ROBO1: variants seen among roughly 807,000 people sequenced by gnomAD.
ROBO1 encodes the protein roundabout guidance receptor 1, also known as roundabout homolog 1.
A neutral mutation model predicts 195.9 loss-of-function variants in ROBO1; 149 were observed. The ratio of observed to expected loss-of-function variants is 0.76; its 90% confidence interval spans 0.67 to 0.87. The LOEUF (loss-of-function observed/expected upper bound fraction) is 0.87. Among genes scored for constraint, ROBO1 ranks in the 40% least tolerant of loss-of-function variants. The pLI is 0.00. For synonymous variants in ROBO1, 816 were observed against 733.2 expected (o/e 1.11, Z -1.82); for missense variants, 1,933 against 2,068.3 (o/e 0.93, Z 1.27).
At chr3:79,658,028 ACAAG>A (rs1299921019) in intron 1 of ROBO1, among the ~76,000 whole-genome samples, 1 of 152,094 alleles carries the variant, frequency 6.6e-6, no homozygotes, top group Non-Finnish European at 1.5e-5. Context: ...GACAGTATAG[ACAAG>A]CAATTGCAGG....
At chr3:79,718,823 CATT>C (rs1376328061) in intron 1 of ROBO1, among the ~76,000 whole-genome samples, 6 of 152,076 alleles carry the variant, frequency 3.9e-5, no homozygotes, top group Admixed American at 3.9e-4. Context: ...AAACTAATGA[CATT>C]ATATATTTAT....
chr3:79,469,031 TAAC>T (rs1383152530), intron 2 of ROBO1, among the ~76,000 whole-genome samples: 9 of 152,130 alleles, frequency 5.9e-5, no homozygotes, highest in African/African-American at 2.2e-4. Context: ...AAAATCTACT[TAAC>T]AACCTACTAA....
chr3:79,649,514 A>C (rs1041718594), intron 1 of ROBO1, among the ~76,000 whole-genome samples: 1 of 152,136 alleles, frequency 6.6e-6, no homozygotes, highest in African/African-American at 2.4e-5. Context: ...GCAAACATTT[A>C]AACACTCGTG....
At chr3:79,554,129 T>C (rs2107683864) in intron 2 of ROBO1, among the ~76,000 whole-genome samples, 1 of 152,120 alleles carries the variant, frequency 6.6e-6, no homozygotes, top group South Asian at 2.1e-4. Flanking sequence ...TTAAATAATC[T>C]AAGGTATCAT....
intron 2 of ROBO1, among the ~76,000 whole-genome samples, chr3:79,301,057 G>C (rs938531148): frequency 3.9e-5 from 6 of 152,092 alleles, no homozygotes; most frequent in African/African-American, 1.4e-4. Context: ...ACCCTCTCGG[G>C]TCACCTTCCA....
chr3:79,070,358 A>G (rs2079067866), intron 3 of ROBO1, among the ~76,000 whole-genome samples: 1 of 151,950 alleles, frequency 6.6e-6, no homozygotes, highest in Non-Finnish European at 1.5e-5. Flanking sequence ...AGTAAGGACC[A>G]TCTTTTATTA....
chr3:79,255,317 T>G (rs549776058), intron 2 of ROBO1, among the ~76,000 whole-genome samples: 1 of 152,180 alleles, frequency 6.6e-6, no homozygotes, highest in African/African-American at 2.4e-5. Context: ...ATTGTGCCAC[T>G]GTACTGCAGC....
At chr3:79,010,064 T>C (rs1356983599) in intron 3 of ROBO1, among the ~76,000 whole-genome samples, 1 of 152,094 alleles carries the variant, frequency 6.6e-6, no homozygotes, top group Non-Finnish European at 1.5e-5. Flanking sequence ...TGGGTTATCA[T>C]GTGACAAAGA....
Position 79,745,989 on chromosome 3 carries a change from T to C in ROBO1, c.-51+21763A>G, listed in dbSNP as rs142432882. Among the ~76,000 whole-genome samples, 423 of 152,246 alleles carry C rather than the reference T, an allele frequency of 2.8e-3. 3 individuals are homozygous for C. Among genetic ancestry groups the C allele is most frequent in the Non-Finnish European group, 4.2e-3 (287 of 67,944 alleles). On this transcript the variant is annotated intron_variant, in intron 1 of 30. Coordinates refer to ENST00000464233, the MANE Select transcript of ROBO1 (RefSeq NM_002941.4). ...TTTGCTTTCATGTTAACTTAACAGATACACTGGCCACAGAATACGAGAATG... is the reference window on the plus strand; with the variant it reads ...TTTGCTTTCATGTTAACTTAACAGACACACTGGCCACAGAATACGAGAATG...
chr3:79,096,298 A>T (rs1431026370), intron 3 of ROBO1, among the ~76,000 whole-genome samples: 2 of 151,976 alleles, frequency 1.3e-5, no homozygotes, highest in African/African-American at 4.8e-5. Flanking sequence ...CTTAGATTTG[A>T]GTAGATAATC....
At chr3:79,193,171 A>G (rs2081571720) in intron 2 of ROBO1, among the ~76,000 whole-genome samples, 1 of 151,634 alleles carries the variant, frequency 6.6e-6, no homozygotes, top group South Asian at 2.1e-4. Flanking sequence ...TTAAACTTGA[A>G]ATGTCTGTGA....
intron 2 of ROBO1, among the ~76,000 whole-genome samples, chr3:79,442,294 A>T (rs1415861236): frequency 6.6e-6 from 1 of 152,146 alleles, no homozygotes; most frequent in African/African-American, 2.4e-5. Context: ...CTCATCTATA[A>T]TATATCACTG....
rs189060241 is a variant in ROBO1, at chr3:79,294,398, G to A, written c.89-168859C>T. 4.8e-3 allele frequency among the ~76,000 whole-genome samples: 734 copies of A among 152,258 alleles called. 11 individuals are homozygous for A. Among genetic ancestry groups the A allele is most frequent in the African/African-American group, 0.017 (696 of 41,556 alleles). ...TGTTGGGAAAACTGGCTAGCCATAG[G>A]CAGAAAACTGAAACTGGAACCCTTC... On this transcript the variant is annotated intron_variant, in intron 2 of 30. Coordinates refer to ENST00000464233, the MANE Select transcript of ROBO1 (RefSeq NM_002941.4).
intron 4 of ROBO1, among the ~76,000 whole-genome samples, chr3:78,922,767 G>T (rs151061506): frequency 6.6e-6 from 1 of 151,668 alleles, no homozygotes; most frequent in East Asian, 1.9e-4. Context: ...GCACCACAAC[G>T]CCTGGCTAAC....
chr3:79,575,174 A>T (rs994730979), intron 2 of ROBO1, among the ~76,000 whole-genome samples: 1 of 119,904 alleles, frequency 8.3e-6, no homozygotes, highest in Admixed American at 9.0e-5. Context: ...AATATATATA[A>T]ATATATATAA....
chr3:79,126,672 G>A (rs1176746726), intron 2 of ROBO1, among the ~76,000 whole-genome samples: 2 of 152,186 alleles, frequency 1.3e-5, no homozygotes, highest in African/African-American at 4.8e-5. Context: ...ATCTACAGAG[G>A]AAGGATTTCT....
intron 2 of ROBO1, among the ~76,000 whole-genome samples, chr3:79,295,391 T>C (rs919685838): frequency 6.6e-5 from 10 of 151,664 alleles, no homozygotes; most frequent in African/African-American, 1.7e-4. Flanking sequence ...TAAGTGGGAG[T>C]TGAAAAATGA....
Position 78,688,721 on chromosome 3 carries a change from C to T in ROBO1, c.1097G>A (p.Arg366Gln), listed in dbSNP as rs374391390. The change falls in exon 9 of 31, where the codon CGG (arginine) becomes CAG (glutamine). Residue 366 changes from arginine (R) to glutamine (Q), a missense_variant. Arg to Gln is a conservative substitution (Grantham distance 43). This residue lies in a region of ROBO1 where 1,737 missense variants were observed against 1,882.5 expected (regional missense o/e 0.92). Coordinates refer to ENST00000464233, the MANE Select transcript of ROBO1 (RefSeq NM_002941.4). ...TGCTTCACACTGAAAAGTTACAGTC[C>T]GTCCCAAAGCAACAACCTGGTCACG... ...KPRDQVVALG[R>Q]TVTFQCEATG... 2.4e-5 allele frequency: 39 copies of T among 1,608,634 alleles called. No individual in the cohort carries two copies. Among genetic ancestry groups the T allele is most frequent in the Non-Finnish European group, 3.1e-5 (36 of 1,177,386 alleles).
intron 2 of ROBO1, among the ~76,000 whole-genome samples, chr3:79,556,962 G>A (rs1409184284): frequency 2.7e-5 from 4 of 147,470 alleles, no homozygotes; most frequent in Non-Finnish European, 6.0e-5. Context: ...TATTATTATG[G>A]ACTTCATCTC....
Sources: allele counts gnomAD v4.1 joint callset (sites outside exome capture counted in the v4.1 genomes callset), GRCh38; gene constraint gnomAD v4.1.1; regional missense constraint gnomAD v4.1.1; transcripts MANE v1.5; gene names NCBI Gene and HGNC (gene_info 2026-07-23, HGNC 2026-07-21).